LINGO2: variants seen among roughly 807,000 people sequenced by gnomAD.
The protein encoded by LINGO2 is leucine-rich repeat and immunoglobulin-like domain-containing nogo receptor-interacting protein 2.
Under a neutral mutation model 30.6 loss-of-function variants are expected in LINGO2, and 14 were observed. That is an observed-to-expected ratio of 0.46 (90% confidence interval 0.30 to 0.72). LINGO2 has a LOEUF of 0.72. LINGO2 is among the 30% of genes least tolerant of loss of function. The probability of loss-of-function intolerance (pLI) is 0.07; values close to 1 mark genes in which losing one functional copy is unlikely to be tolerated. For missense variants in LINGO2, 729 were observed against 751.7 expected (o/e 0.97, Z 0.35); for synonymous variants, 317 against 288.5 (o/e 1.10, Z -1.00).
chr9:27,959,438 A>G (rs903174625), intron 5 of LINGO2, among the ~76,000 whole-genome samples: 6 of 152,160 alleles, frequency 3.9e-5, no homozygotes, highest in African/African-American at 1.4e-4. Flanking sequence ...CATATCACAA[A>G]TTGATTTTTT....
intron 4 of LINGO2, among the ~76,000 whole-genome samples, chr9:28,182,615 C>A (rs1423124296): frequency 6.6e-6 from 1 of 151,940 alleles, no homozygotes; most frequent in African/African-American, 2.4e-5. Context: ...AACAAATTTA[C>A]AAGAAAAAAA....
At chr9:28,225,467 G>GC (rs1821113278) in intron 4 of LINGO2, among the ~76,000 whole-genome samples, 2 of 152,006 alleles carry the variant, frequency 1.3e-5, no homozygotes, top group Admixed American at 6.6e-5. Flanking sequence ...TATGAGAATT[G>GC]TAAAAAAATT....
At chr9:28,217,788 G>C (rs988408003) in intron 4 of LINGO2, among the ~76,000 whole-genome samples, 2 of 151,950 alleles carry the variant, frequency 1.3e-5, no homozygotes, top group Admixed American at 6.6e-5. Context: ...ATGACTTCAT[G>C]AAATAGGAAC....
chr9:29,139,178 C>A, the LINGO2 span, among the ~76,000 whole-genome samples: 37 of 152,108 alleles, frequency 2.4e-4, no homozygotes, highest in African/African-American at 8.9e-4. Flanking sequence ...CCATGAAGAA[C>A]TGAATCCATC....
chr9:29,184,337 A>C, the LINGO2 span, among the ~76,000 whole-genome samples: 1 of 152,140 alleles, frequency 6.6e-6, no homozygotes, highest in African/African-American at 2.4e-5. Context: ...ATTGACTCTC[A>C]GGGAGTGTCA....
At chr9:28,813,357 A>G in the LINGO2 span, among the ~76,000 whole-genome samples, 1 of 152,204 alleles carries the variant, frequency 6.6e-6, no homozygotes, top group African/African-American at 2.4e-5. Flanking sequence ...ATTAACTAAT[A>G]AAATAGAAAA....
At chr9:28,301,466 T>A (rs1824140491) in intron 3 of LINGO2, among the ~76,000 whole-genome samples, 1 of 152,076 alleles carries the variant, frequency 6.6e-6, no homozygotes, top group African/African-American at 2.4e-5. Context: ...GAGAGTGTTG[T>A]TGATAATGTG....
intron 2 of LINGO2, among the ~76,000 whole-genome samples, chr9:28,430,109 C>CGTGCGCGTGT (rs1554720108): frequency 1.5e-5 from 2 of 136,098 alleles, no homozygotes; most frequent in Non-Finnish European, 3.3e-5. Flanking sequence ...CGCGCGCGCG[C>CGTGCGCGTGT]GTGTGTGTGT....
intron 1 of LINGO2, among the ~76,000 whole-genome samples, chr9:28,606,422 A>G (rs1825697025): frequency 6.6e-6 from 1 of 152,000 alleles, no homozygotes; most frequent in Non-Finnish European, 1.5e-5. Context: ...ACTTTACTGG[A>G]GAGACTTTAC....
chr9:28,111,451 C>G (rs1206600746), intron 4 of LINGO2, among the ~76,000 whole-genome samples: 1 of 151,808 alleles, frequency 6.6e-6, no homozygotes, highest in African/African-American at 2.4e-5. Flanking sequence ...TCATGCGTTC[C>G]TCCTATGTGA....
rs1312429400 is a variant in LINGO2, at chr9:28,149,167, G to A, written c.-86-136762C>T. ...TGTTAAGTAGAACATCAAAATTCAGGAGAGTAAGAGAGCTGCTTAGGAGGA... is the reference window on the plus strand; with the variant it reads ...TGTTAAGTAGAACATCAAAATTCAGAAGAGTAAGAGAGCTGCTTAGGAGGA... On this transcript the variant is annotated intron_variant, in intron 4 of 5. Transcript: ENST00000379992. 5.1e-6 allele frequency: 7 copies of A among 1,367,532 alleles called. No individual in the cohort carries two copies. The African/African-American group carries it at 8.6e-5, about 17-fold the overall frequency. The allele number at this position is 1,367,532 out of a possible 1,614,324, so 84.7% of individuals were successfully genotyped here.
chr9:28,802,621 T>C, the LINGO2 span, among the ~76,000 whole-genome samples: 1 of 152,048 alleles, frequency 6.6e-6, no homozygotes, highest in Non-Finnish European at 1.5e-5. Flanking sequence ...AATTAGGAAA[T>C]TATGTTGGGT....
At chr9:28,948,804 A>T in the LINGO2 span, among the ~76,000 whole-genome samples, 1 of 152,068 alleles carries the variant, frequency 6.6e-6, no homozygotes, top group African/African-American at 2.4e-5. Context: ...TCAATTTTAA[A>T]TTAGTCACTT....
At chr9:28,786,039 G>C in the LINGO2 span, among the ~76,000 whole-genome samples, 1 of 152,090 alleles carries the variant, frequency 6.6e-6, no homozygotes, top group Non-Finnish European at 1.5e-5. Context: ...CAGCTCTCTG[G>C]TCACTCATAG....
In LINGO2 at chr9:28,430,109, C is replaced by CGCGCGCGTGTGTGTGT. The variant is rs569701444; in HGVS notation, c.-279+45830_-279+45831insACACACACACGCGCGC. Among the ~76,000 whole-genome samples, 7 of 136,100 alleles carry CGCGCGCGTGTGTGTGT rather than the reference C, an allele frequency of 5.1e-5. No homozygotes were observed. In the South Asian group the frequency reaches 1.3e-3, roughly 26 times the overall value. The allele number at this position is 136,100 out of a possible 152,430, so 89.3% of individuals were successfully genotyped here. A position where few individuals can be genotyped will look rare whatever the true frequency, so the allele number is the denominator to read the frequency against. On this transcript the variant is annotated intron_variant, in intron 2 of 5. Coordinates refer to ENST00000379992, the Ensembl canonical transcript of LINGO2. ...AGGCTGATTTCCACGCGCGCGCGCG[C>CGCGCGCGTGTGTGTGT]GTGTGTGTGTGTGTGTGTGTGATTC...
chr9:28,645,073 T>C (rs1357622259), intron 1 of LINGO2, among the ~76,000 whole-genome samples: 1 of 152,138 alleles, frequency 6.6e-6, no homozygotes. Context: ...CCCTCAGTAC[T>C]AATATTGCCA....
the LINGO2 span, among the ~76,000 whole-genome samples, chr9:29,162,995 GAGAA>G: frequency 6.6e-6 from 1 of 152,116 alleles, no homozygotes; most frequent in Non-Finnish European, 1.5e-5. Context: ...GAAAGCATAA[GAGAA>G]AGAGAGACTG....
intron 4 of LINGO2, among the ~76,000 whole-genome samples, chr9:28,013,524 C>G (rs934116711): frequency 2.6e-5 from 4 of 152,180 alleles, no homozygotes; most frequent in Non-Finnish European, 2.9e-5. Context: ...TGGCTTAAAA[C>G]TTTTATCAGT....
intron 5 of LINGO2, among the ~76,000 whole-genome samples, chr9:28,005,278 T>G (rs1822205186): frequency 6.6e-6 from 1 of 152,194 alleles, no homozygotes; most frequent in South Asian, 2.1e-4. Flanking sequence ...CTTTAGAAGT[T>G]AAGACCATGT....
Sources: gnomAD v4.1 joint callset for allele counts (sites outside exome capture counted in the v4.1 genomes callset) on GRCh38, gnomAD v4.1.1 for gene constraint, MANE v1.5 for transcripts, NCBI Gene and HGNC (gene_info 2026-07-23, HGNC 2026-07-21) for gene names.